The following MYH8 variants were observed in gnomAD, a reference collection of about 807,000 sequenced individuals.
MYH8 encodes myosin-8.
Under a neutral mutation model 233.2 loss-of-function variants are expected in MYH8, and 168 were observed. The ratio of observed to expected loss-of-function variants is 0.72; its 90% confidence interval spans 0.64 to 0.82. The LOEUF is 0.82. Ranked by LOEUF, MYH8 falls within the 40% of genes least tolerant of loss-of-function variation. The pLI is 0.00. For synonymous variants in MYH8, 785 were observed against 850.6 expected (o/e 0.92, Z 1.34); for missense variants, 1,995 against 2,327.8 (o/e 0.86, Z 2.94).
intron 9 of MYH8, 87 bp from the exon 10 acceptor site, chr17:10,414,571 G>T (rs1372001654): frequency 1.2e-4 from 105 of 904,590 alleles, no homozygotes; most frequent in Non-Finnish European, 1.8e-4. Context: ...GTCAAATTTG[G>T]AGCATTACAT....
intron 16 of MYH8, 21 bp from the exon 17 acceptor site, chr17:10,409,185 G>T (rs1352646260): frequency 6.2e-7 from 1 of 1,613,910 alleles, no homozygotes; most frequent in South Asian, 1.1e-5. Context: ...AAGAAAACCC[G>T]TGAATAAGAA....
At chr17:10,418,249 C>T (rs1022561028) in intron 5 of MYH8, among the ~76,000 whole-genome samples, 1 of 152,222 alleles carries the variant, frequency 6.6e-6, no homozygotes, top group African/African-American at 2.4e-5. Context: ...CCAGCTGTGG[C>T]TGATAACTCT....
At position 10,409,408 on chromosome 17, in the gene MYH8, C is replaced by T; in HGVS notation, c.1768G>A (p.Asp590Asn). 6.2e-7 allele frequency: 1 copy of T among 1,614,204 alleles called. No homozygotes were observed. Among genetic ancestry groups the T allele is most frequent in the Non-Finnish European group, 8.5e-7 (1 of 1,180,040 alleles). Residue 590 changes from aspartate to asparagine, a missense_variant, in exon 16 of 40, where the codon GAC (aspartate) becomes AAC (asparagine). Physicochemically the swap from Asp to Asn is conservative, Grantham distance 23. Transcript: ENST00000403437. ...TCCAGCCAGCCAGTAATGTTGTAGT[C>T]CACAGTGCCAGCATAGTGAATCAGA... Reference protein sequence around the residue: ...FSLIHYAGTVDYNITGWLDKN... With the variant: ...FSLIHYAGTVNYNITGWLDKN...
intron 34 of MYH8, 98 bp from the exon 35 acceptor site, chr17:10,394,550 G>A: frequency 7.1e-7 from 1 of 1,400,948 alleles, no homozygotes; most frequent in Non-Finnish European, 9.9e-7. Flanking sequence ...AGGAACAGAA[G>A]ATGACATATG....
Position 10,400,883 on chromosome 17 carries a change from T to A in MYH8, c.3331A>T (p.Ile1111Phe), listed in dbSNP as rs778111589. 6.2e-7 allele frequency: 1 copy of A among 1,613,908 alleles called. No homozygotes were observed. The highest frequency in any genetic ancestry group is 8.5e-7 in the Non-Finnish European group (1 of 1,180,022). Residue 1111 changes from isoleucine (I) to phenylalanine (F), a missense_variant, in exon 26 of 40, where the codon ATC (isoleucine) becomes TTC (phenylalanine). Physicochemically the swap from Ile to Phe is conservative, Grantham distance 21 (BLOSUM62 0). Around this residue, in one of 3 missense-constraint regions of MYH8, gnomAD observed 1,498 missense variants for 1,680.9 expected, o/e 0.89. Coordinates refer to ENST00000403437, the MANE Select transcript of MYH8 (RefSeq NM_002472.3). The surrounding 1 kb of genome is among the most constrained non-coding windows in gnomAD (Gnocchi z 4.0). ...QAVEIQLQKKIKELQARIEEL... is the reference protein window; with the variant it reads ...QAVEIQLQKKFKELQARIEEL... Reference sequence around the variant, plus strand: ...AGATGACTCACCTGCAACTCTTTGATCTTCTTCTGTAGTTGAATTTCTACA... The same window carrying A: ...AGATGACTCACCTGCAACTCTTTGAACTTCTTCTGTAGTTGAATTTCTACA...
At position 10,393,000 on chromosome 17, in the gene MYH8, G is replaced by T. The variant is rs1158563369; in HGVS notation, c.5294C>A (p.Ala1765Asp). The change falls in exon 37 of 40, where the codon GCT becomes GAT. Residue 1765 changes from alanine (A) to aspartate (D), a missense_variant and splice_region_variant. By Grantham distance (126) the Ala-to-Asp change is moderately radical (BLOSUM62 -2). Coordinates refer to ENST00000403437, the MANE Select transcript of MYH8 (RefSeq NM_002472.3). ...EEKAKKAITDAAMMAEELKKE... is the reference protein window; with the variant it reads ...EEKAKKAITDDAMMAEELKKE... ...CTTCAGCTCCTCAGCCATCATGGCA[G>T]CCTATTTAGGAAATAAATTAAGAAA... 6.2e-7 allele frequency: 1 copy of T among 1,614,054 alleles called. No individual in the cohort carries two copies. The highest frequency in any genetic ancestry group is 1.3e-5 in the African/African-American group (1 of 74,908).
Position 10,406,275 on chromosome 17 carries a change from T to C in MYH8, c.2294A>G (p.Lys765Arg). The stretch of plus-strand genomic sequence containing the variant: ...AGGTGTAAATAAATAACGATATACC[T>C]TGGTATGTCCAAATTTATATTGAGT... ...DHTQYKFGHT[K>R]VFFKAGLLGL... Residue 765 changes from lysine (K) to arginine (R), a missense_variant and splice_region_variant, in exon 20 of 40, where the codon AAG becomes AGG. Lys to Arg is a conservative substitution (Grantham distance 26). Transcript: ENST00000403437. 1.9e-6 allele frequency: 3 copies of C among 1,614,038 alleles called. No homozygotes were observed. Among genetic ancestry groups the C allele is most frequent in the Non-Finnish European group, 2.5e-6 (3 of 1,179,926 alleles).
At position 10,413,847 on chromosome 17, in the gene MYH8, ATT is replaced by A. The variant is rs569420870; in HGVS notation, c.1147+53_1147+54del. 5 of 1,255,132 alleles carry A rather than the reference ATT, an allele frequency of 4.0e-6. No homozygotes were observed. The African/African-American group carries it at 6.1e-5, about 15-fold the overall frequency. The allele number at this position is 1,255,132 out of a possible 1,614,324, so 77.7% of individuals were successfully genotyped here. A position where few individuals can be genotyped will look rare whatever the true frequency, so the allele number is the denominator to read the frequency against. On this transcript the variant is annotated intron_variant, in intron 12 of 39. Transcript: ENST00000403437. ...AAAGGAGATGTGAGTGTAAAATAGG[ATT>A]TTTTTTTTTGCTACATTCTCTCATT...
At chr17:10,398,994 G>GTGTGTATA (rs1555555758) in intron 28 of MYH8, 108 bp from the exon 29 acceptor site, 2 of 311,540 alleles carry the variant, frequency 6.4e-6, no homozygotes, top group African/African-American at 2.4e-5. Flanking sequence ...ATGTGTGTGT[G>GTGTGTATA]TATATATATA....
chr17:10,401,851 C>G, intron 22 of MYH8, 66 bp from the exon 23 acceptor site: 1 of 1,595,138 alleles, frequency 6.3e-7, no homozygotes, highest in Non-Finnish European at 8.6e-7. Context: ...GTTTTTTTTG[C>G]GCAAAAATAA....
At chr17:10,404,771 T>C (rs904644119) in intron 21 of MYH8, among the ~76,000 whole-genome samples, 186 bp from the exon 22 acceptor site, 1 of 151,654 alleles carries the variant, frequency 6.6e-6, no homozygotes, top group Non-Finnish European at 1.5e-5. Context: ...ATTCTCGCGC[T>C]CACACTCATG....
chr17:10,406,846 C>A (rs1483935670), intron 18 of MYH8, 39 bp from the exon 19 acceptor site: 2 of 1,612,956 alleles, frequency 1.2e-6, no homozygotes, highest in Admixed American at 3.3e-5. Context: ...GGGCATTTAA[C>A]TTTCAAACCT....
intron 5 of MYH8, among the ~76,000 whole-genome samples, chr17:10,416,685 T>C (rs770234363): frequency 6.6e-6 from 1 of 152,188 alleles, no homozygotes; most frequent in African/African-American, 2.4e-5. Flanking sequence ...TTTTAAAACA[T>C]TTATTATGGA....
intron 35 of MYH8, 57 bp downstream of exon 35, chr17:10,394,192 T>C: frequency 6.2e-7 from 1 of 1,605,954 alleles, no homozygotes; most frequent in Non-Finnish European, 8.5e-7. Context: ...TTTCATGTTA[T>C]AATTCGAATG....
intron 15 of MYH8, among the ~76,000 whole-genome samples, chr17:10,410,432 A>C (rs947169794): frequency 2.6e-5 from 4 of 152,250 alleles, no homozygotes; most frequent in African/African-American, 7.2e-5. Flanking sequence ...TTTATATAGA[A>C]AAATATTTTT....
chr17:10,406,426 T>C, intron 19 of MYH8, 29 bp from the exon 20 acceptor site: 1 of 1,613,652 alleles, frequency 6.2e-7, no homozygotes, highest in Non-Finnish European at 8.5e-7. Flanking sequence ...AAAGAATGGT[T>C]AGGAAAATGT....
At position 10,401,245 on chromosome 17, in the gene MYH8, C is replaced by T. The variant is rs559658308; in HGVS notation, c.3108+30G>A. 2.5e-6 allele frequency: 4 copies of T among 1,613,810 alleles called. No individual in the cohort carries two copies. The South Asian group carries it at 3.3e-5, about 13-fold the overall frequency. Reference sequence around the variant, plus strand: ...TGAAAGTATATATTTTTAAAAAAATCTTTCAAAGGGATATTTAAAATGTGC... The same window carrying T: ...TGAAAGTATATATTTTTAAAAAAATTTTTCAAAGGGATATTTAAAATGTGC... On this transcript the variant is annotated intron_variant, in intron 24 of 39. Coordinates refer to ENST00000403437, the MANE Select transcript of MYH8 (RefSeq NM_002472.3).
chr17:10,395,051 G>T, intron 34 of MYH8, 82 bp downstream of exon 34: 1 of 1,476,402 alleles, frequency 6.8e-7, no homozygotes, highest in Non-Finnish European at 9.5e-7. Context: ...GAGAAAAAAA[G>T]GATCGTTTAA....
intron 2 of MYH8, among the ~76,000 whole-genome samples, chr17:10,421,033 C>G (rs2072334894): frequency 6.6e-6 from 1 of 152,124 alleles, no homozygotes; most frequent in African/African-American, 2.4e-5. Context: ...TTTAAGAGTA[C>G]ATCACATGCA....
Sources: allele counts gnomAD v4.1 joint callset (sites outside exome capture counted in the v4.1 genomes callset), GRCh38; gene constraint gnomAD v4.1.1; regional missense constraint gnomAD v4.1.1; non-coding constraint Gnocchi (gnomAD v3.1); transcripts MANE v1.5; gene names NCBI Gene and HGNC (gene_info 2026-07-23, HGNC 2026-07-21).